CPNE9: variants seen among roughly 807,000 people sequenced by gnomAD.
CPNE9 encodes the protein copine-9.
In CPNE9, 59 loss-of-function variants were observed where a neutral mutation model predicts 83.0. The observed-to-expected ratio is 0.71, with a 90% CI of 0.58 to 0.88. The LOEUF is 0.88. Among genes scored for constraint, CPNE9 ranks in the 40% least tolerant of loss-of-function variants. The pLI, the probability that CPNE9 is intolerant of heterozygous loss-of-function variation, is 0.00. For synonymous variants in CPNE9, 256 were observed against 273.4 expected (o/e 0.94, Z 0.63); for missense variants, 619 against 720.8 (o/e 0.86, Z 1.62).
chr3:9,723,042 C>G (rs923465715), intron 17 of CPNE9, among the ~76,000 whole-genome samples: 10 of 152,240 alleles, frequency 6.6e-5, no homozygotes, highest in Admixed American at 1.3e-4. Flanking sequence ...GCTCCATGCT[C>G]AGCACCCAGC....
rs1196455123 is a variant in CPNE9, at chr3:9,703,917, C to G, written c.-80C>G. The G allele has an allele frequency of 4.9e-6, 6 of 1,229,444 alleles. No individual in the cohort carries two copies. The highest frequency in any genetic ancestry group is 1.6e-5 in the African/African-American group (1 of 61,856). 76.2% of individuals were successfully genotyped at this position (1,229,444 alleles called of 1,614,324 possible). On this transcript the variant is annotated 5_prime_UTR_variant, in exon 1 of 21. Transcript: ENST00000383832. Reference sequence around the variant, plus strand: ...GCCGCCGACACCGCGGCACATGGGCCGGCCCCGCCGCTGCCGTCGCCCCTA... The same window carrying G: ...GCCGCCGACACCGCGGCACATGGGCGGGCCCCGCCGCTGCCGTCGCCCCTA...
At chr3:9,708,096 G>A (rs1281113448) in intron 7 of CPNE9, among the ~76,000 whole-genome samples, 2 of 152,182 alleles carry the variant, frequency 1.3e-5, no homozygotes, top group Non-Finnish European at 2.9e-5. Context: ...ACAAGTGGAT[G>A]CCAGCAGCCC....
intron 17 of CPNE9, among the ~76,000 whole-genome samples, chr3:9,724,188 CTT>C (rs201939446): frequency 2.6e-4 from 35 of 136,360 alleles, no homozygotes; most frequent in Non-Finnish European, 2.5e-4. Context: ...CTCTCTAGGT[CTT>C]TTTTTTTTTT....
Position 9,704,919 on chromosome 3 carries a change from C to T in CPNE9, c.185C>T (p.Thr62Met). The T allele has an allele frequency of 6.2e-7, 1 of 1,613,494 alleles. No homozygotes were observed. Among genetic ancestry groups the T allele is most frequent in the South Asian group, 1.1e-5 (1 of 91,032 alleles). ...GGACGGACCGAGGTGATTGATAACA[C>T]GCTGAACCCAGACTTCGTGCGCAAA... ...EFGRTEVIDN[T>M]LNPDFVRKFV... Residue 62 changes from threonine to methionine, a missense_variant, in exon 4 of 21, where the codon ACG becomes ATG. Coordinates refer to ENST00000383832, the MANE Select transcript of CPNE9 (RefSeq NM_153635.3). The surrounding 1 kb of genome is among the most constrained non-coding windows in gnomAD (Gnocchi z 7.1).
At chr3:9,715,186 G>T in intron 11 of CPNE9, 103 bp from the exon 12 acceptor site, 1 of 1,310,488 alleles carries the variant, frequency 7.6e-7, no homozygotes, top group Non-Finnish European at 1.1e-6. Context: ...AGGCTGCCCT[G>T]CAGCCTAAGT....
intron 7 of CPNE9, 130 bp from the exon 8 acceptor site, chr3:9,712,411 G>A (rs1052930127): frequency 2.6e-6 from 2 of 754,934 alleles, no homozygotes; most frequent in Admixed American, 1.9e-5. Flanking sequence ...TCACCAGAAG[G>A]CACTCAAGAC....
chr3:9,719,536 G>A (rs1213448711), intron 17 of CPNE9, among the ~76,000 whole-genome samples: 1 of 152,182 alleles, frequency 6.6e-6, no homozygotes, highest in East Asian at 1.9e-4. Flanking sequence ...CTGTAAGGTG[G>A]TGTCATAATG....
chr3:9,712,725 G>A lies in CPNE9; in HGVS notation c.442G>A (p.Asp148Asn), dbSNP rs773905027. Residue 148 changes from aspartate to asparagine, a missense_variant and splice_region_variant, in exon 9 of 21, where the codon GAC becomes AAC. Asp to Asn is a conservative substitution (Grantham distance 23). Around this residue, in one of 3 missense-constraint regions of CPNE9, gnomAD observed 438 missense variants for 562.9 expected, o/e 0.78. Transcript: ENST00000383832. Reference sequence around the variant, plus strand: ...CCAGCCCAACTTCATCCATCCCTAGGACATTGCCACCATGCAGCTGTGTGC... The same window carrying A: ...CCAGCCCAACTTCATCCATCCCTAGAACATTGCCACCATGCAGCTGTGTGC... ...LTAEELSNCR[D>N]IATMQLCANK... 10 of 1,614,042 alleles carry A rather than the reference G, an allele frequency of 6.2e-6. No individual in the cohort carries two copies. In the South Asian group the frequency reaches 9.9e-5, roughly 16 times the overall value.
chr3:9,715,197 A>T, intron 11 of CPNE9, 92 bp from the exon 12 acceptor site: 1 of 1,376,806 alleles, frequency 7.3e-7, no homozygotes. Context: ...CAGCCTAAGT[A>T]GGGGCTTAGG....
At chr3:9,727,452 A>G in intron 20 of CPNE9, 1 of 716,510 alleles carries the variant, frequency 1.4e-6, no homozygotes, top group Non-Finnish European at 2.6e-6. Context: ...ACAAAGAAAT[A>G]TCTCATTAGA....
chr3:9,713,131 G>T, intron 10 of CPNE9, 52 bp downstream of exon 10: 2 of 1,347,798 alleles, frequency 1.5e-6, no homozygotes, highest in Non-Finnish European at 2.1e-6. Flanking sequence ...TGCCAGTGTG[G>T]TTCCTGGGCC....
chr3:9,724,381 G>C (rs375668647), intron 17 of CPNE9, among the ~76,000 whole-genome samples: 2 of 152,142 alleles, frequency 1.3e-5, no homozygotes, highest in African/African-American at 2.4e-5. Context: ...AGATGTGGCT[G>C]GCAGAGGGGA....
intron 7 of CPNE9, among the ~76,000 whole-genome samples, chr3:9,709,403 G>A (rs559455394): frequency 7.8e-5 from 11 of 141,912 alleles, no homozygotes; most frequent in Admixed American, 3.5e-4. Context: ...TCACTCTGTC[G>A]CCCAGGCTGG....
chr3:9,707,163 C>T (rs938387663), intron 7 of CPNE9, among the ~76,000 whole-genome samples: 6 of 151,862 alleles, frequency 4.0e-5, no homozygotes, highest in Non-Finnish European at 8.8e-5. Context: ...ACCATCCTGG[C>T]TAACACGGTG....
At chr3:9,723,054 T>C (rs889514771) in intron 17 of CPNE9, among the ~76,000 whole-genome samples, 3 of 152,218 alleles carry the variant, frequency 2.0e-5, no homozygotes, top group Admixed American at 1.3e-4. Context: ...GCACCCAGCG[T>C]GGTGCCTGAT....
intron 16 of CPNE9, 93 bp downstream of exon 16, chr3:9,718,303 T>C: frequency 7.1e-7 from 1 of 1,412,922 alleles, no homozygotes. Context: ...TCAAAGGGCA[T>C]GTAGAGGAAC....
chr3:9,715,934 C>T, intron 13 of CPNE9, 40 bp from the exon 14 acceptor site: 2 of 1,590,312 alleles, frequency 1.3e-6, no homozygotes, highest in South Asian at 2.3e-5. Flanking sequence ...ACCCCAACTG[C>T]CTTTTCCAAA....
intron 10 of CPNE9, among the ~76,000 whole-genome samples, chr3:9,714,621 C>A (rs1575123481): frequency 1.4e-5 from 1 of 69,610 alleles, no homozygotes; most frequent in Admixed American, 1.8e-4. Flanking sequence ...GCCTGGAATA[C>A]AATAAGGCTC....
Position 9,727,064 on chromosome 3 carries a change from G to A in CPNE9, c.1403-49G>A, listed in dbSNP as rs201076684. ...GAGCTCAAAGGGAGGGGGCAGCATGGGGTGGGGCTGGAGAGGCCAATCAGC... is the reference window on the plus strand; with the variant it reads ...GAGCTCAAAGGGAGGGGGCAGCATGAGGTGGGGCTGGAGAGGCCAATCAGC... On this transcript the variant is annotated intron_variant, in intron 19 of 20. Coordinates refer to ENST00000383832, the MANE Select transcript of CPNE9 (RefSeq NM_153635.3). 1.9e-5 allele frequency: 30 copies of A among 1,600,182 alleles called. No homozygotes were observed. In the African/African-American group the frequency reaches 3.6e-4, roughly 19 times the overall value.
Sources: gnomAD v4.1 joint callset for allele counts (sites outside exome capture counted in the v4.1 genomes callset) on GRCh38, gnomAD v4.1.1 for gene constraint, gnomAD v4.1.1 regional missense constraint, Gnocchi (gnomAD v3.1) non-coding constraint, MANE v1.5 for transcripts, NCBI Gene and HGNC (gene_info 2026-07-23, HGNC 2026-07-21) for gene names.